AKAP19: variants seen among roughly 807,000 people sequenced by gnomAD.
The protein encoded by AKAP19 is A-kinase anchoring protein 19, also known as small A-kinase anchoring protein.
At chr2:189,948,582 A>G in the AKAP19 span, among the ~76,000 whole-genome samples, 2 of 152,174 alleles carry the variant, frequency 1.3e-5, no homozygotes, top group Admixed American at 6.5e-5. Context: ...CCCCATAAAC[A>G]TGGTAGGACC....
chr2:189,881,012 T>C, the AKAP19 span, among the ~76,000 whole-genome samples: 1 of 152,116 alleles, frequency 6.6e-6, no homozygotes, highest in Non-Finnish European at 1.5e-5. Context: ...ATACGTGACA[T>C]ACATACATGA....
At chr2:190,070,995 G>T in the AKAP19 span, among the ~76,000 whole-genome samples, 1 of 152,094 alleles carries the variant, frequency 6.6e-6, no homozygotes, top group Non-Finnish European at 1.5e-5. Context: ...AGATGAGGGG[G>T]GTCCCAGAAG....
At chr2:190,049,018 T>C in the AKAP19 span, among the ~76,000 whole-genome samples, 1 of 152,036 alleles carries the variant, frequency 6.6e-6, no homozygotes, top group Non-Finnish European at 1.5e-5. Context: ...TTTCTAAGTA[T>C]TACCAAAAAA....
the AKAP19 span, among the ~76,000 whole-genome samples, chr2:189,940,637 T>A: frequency 6.6e-6 from 1 of 151,928 alleles, no homozygotes; most frequent in Non-Finnish European, 1.5e-5. Flanking sequence ...AGATAAATAT[T>A]CAGGTATTGA....
chr2:190,143,859 A>G, the AKAP19 span, among the ~76,000 whole-genome samples: 3 of 149,760 alleles, frequency 2.0e-5, no homozygotes, highest in African/African-American at 7.4e-5. Flanking sequence ...TGATGAGTTC[A>G]TGTCCTTTGT....
chr2:190,203,176 G>A, the AKAP19 span: 2 of 166,924 alleles, frequency 1.2e-5, no homozygotes, highest in Non-Finnish European at 2.9e-5. Flanking sequence ...TTTAGAAATC[G>A]AAAGTTAGAG....
At chr2:190,143,779 C>G in the AKAP19 span, among the ~76,000 whole-genome samples, 12 of 150,306 alleles carry the variant, frequency 8.0e-5, no homozygotes, top group African/African-American at 2.7e-4. Flanking sequence ...GCCAAATGTC[C>G]AACAATGATA....
chr2:190,088,304 G>T, the AKAP19 span, among the ~76,000 whole-genome samples: 4 of 152,194 alleles, frequency 2.6e-5, no homozygotes, highest in South Asian at 8.3e-4. Context: ...GAAAAATGAA[G>T]ATGCAAAGAG....
the AKAP19 span, among the ~76,000 whole-genome samples, chr2:190,117,585 A>G: frequency 6.6e-6 from 1 of 152,246 alleles, no homozygotes; most frequent in South Asian, 2.1e-4. Flanking sequence ...TTTACTTTGT[A>G]GTTGATCTGG....
chr2:189,982,499 T>C, the AKAP19 span, among the ~76,000 whole-genome samples: 1 of 152,196 alleles, frequency 6.6e-6, no homozygotes, highest in Admixed American at 6.5e-5. Flanking sequence ...CATTTCAAAC[T>C]TTTCAATCTG....
At chr2:190,155,105 T>C in the AKAP19 span, among the ~76,000 whole-genome samples, 3 of 152,132 alleles carry the variant, frequency 2.0e-5, no homozygotes, top group African/African-American at 4.8e-5. Flanking sequence ...GCTCCAACTT[T>C]CTCCAGTCAA....
chr2:189,887,984 G>C, the AKAP19 span, among the ~76,000 whole-genome samples: 1 of 151,994 alleles, frequency 6.6e-6, no homozygotes, highest in African/African-American at 2.4e-5. Flanking sequence ...GTCAATTTTG[G>C]CTTTTGTTGC....
At chr2:190,107,936 G>A in the AKAP19 span, among the ~76,000 whole-genome samples, 1 of 152,186 alleles carries the variant, frequency 6.6e-6, no homozygotes, top group Non-Finnish European at 1.5e-5. Flanking sequence ...GTGTGGCTTA[G>A]AGAAGTTAAG....
chr2:190,023,844 T>C, the AKAP19 span, among the ~76,000 whole-genome samples: 4 of 150,284 alleles, frequency 2.7e-5, no homozygotes, highest in Non-Finnish European at 5.9e-5. Context: ...TTCTGATTTA[T>C]GTTCAAGTAG....
chr2:190,038,900 CT>C, the AKAP19 span, among the ~76,000 whole-genome samples: 4,517 of 33,302 alleles, frequency 0.14, 290 homozygotes, highest in East Asian at 0.18. Context: ...TTCTTTCTTT[CT>C]TTCTTCTTCT....
the AKAP19 span, among the ~76,000 whole-genome samples, chr2:190,127,291 C>T: frequency 2.0e-5 from 3 of 151,786 alleles, no homozygotes; most frequent in South Asian, 2.1e-4. Context: ...GCTCATATAT[C>T]GGTGAATGGT....
chr2:190,172,102 A>G, the AKAP19 span, among the ~76,000 whole-genome samples: 4 of 152,110 alleles, frequency 2.6e-5, no homozygotes, highest in South Asian at 4.1e-4. Flanking sequence ...TTTCCCATCC[A>G]TATGTATTCT....
At chr2:189,990,242 A>G in the AKAP19 span, among the ~76,000 whole-genome samples, 29 of 152,158 alleles carry the variant, frequency 1.9e-4, no homozygotes, top group Non-Finnish European at 1.6e-4. Context: ...ACTATCACAT[A>G]TGATTTTACC....
the AKAP19 span, among the ~76,000 whole-genome samples, chr2:190,098,410 A>C: frequency 6.6e-6 from 1 of 152,132 alleles, no homozygotes; most frequent in Non-Finnish European, 1.5e-5. Context: ...CCAATGGTGC[A>C]TTGTCAATGA....
Sources: gnomAD v4.1 joint callset for allele counts (sites outside exome capture counted in the v4.1 genomes callset) on GRCh38, gnomAD v4.1.1 for gene constraint, MANE v1.5 for transcripts, NCBI Gene and HGNC (gene_info 2026-07-23, HGNC 2026-07-21) for gene names.